Variants in EXPH5 observed in about 807,000 individuals in gnomAD.
EXPH5 encodes exophilin 5, also known as exophilin-5.
A neutral mutation model predicts 41.1 loss-of-function variants in EXPH5; 42 were observed. The observed-to-expected ratio is 1.02, with a 90% confidence interval of 0.80 to 1.32. The LOEUF (loss-of-function observed/expected upper bound fraction) is 1.32, where lower values mean the gene tolerates loss of function less well. EXPH5 is among the 40% of genes most tolerant of loss of function. The pLI is 0.00. For missense variants in EXPH5, 2,298 were observed against 2,314.5 expected (o/e 0.99, Z 0.15); for synonymous variants, 798 against 833.5 (o/e 0.96, Z 0.73).
chr11:108,564,903 CTT>C (rs34384478), intron 1 of EXPH5, among the ~76,000 whole-genome samples: 3 of 118,394 alleles, frequency 2.5e-5, no homozygotes, highest in Non-Finnish European at 3.3e-5. Context: ...ATATGTGTAG[CTT>C]TTTTTTTTTT....
At chr11:108,598,883 G>C in the EXPH5 span, among the ~76,000 whole-genome samples, 32 of 152,200 alleles carry the variant, frequency 2.1e-4, no homozygotes, top group Admixed American at 6.5e-5. Flanking sequence ...CTTGGAGTCA[G>C]TATCTTTGGT....
In EXPH5 at chr11:108,510,274, A is replaced by G. The variant is rs1410057635; in HGVS notation, c.5233T>C (p.Phe1745Leu). The change falls in exon 6 of 6, where the codon TTC becomes CTC. Residue 1745 changes from phenylalanine to leucine, a missense_variant. Physicochemically the swap from Phe to Leu is conservative, Grantham distance 22. Coordinates refer to ENST00000265843, the MANE Select transcript of EXPH5 (RefSeq NM_015065.3). ...ITFTSLREAE[F>L]SDNQRRLSPP... The stretch of plus-strand genomic sequence containing the variant: ...CTCAGCCTCCTCTGATTGTCAGAGA[A>G]TTCTGCTTCCCTGAGGCTGGTGAAT... The G allele has an allele frequency of 1.2e-6, 2 of 1,614,026 alleles. No homozygotes were observed. Among genetic ancestry groups the G allele is most frequent in the Non-Finnish European group, 1.7e-6 (2 of 1,180,012 alleles).
At position 108,510,410 on chromosome 11, in the gene EXPH5, A is replaced by T. The variant is rs758871486; in HGVS notation, c.5097T>A (p.His1699Gln). 5 of 1,613,960 alleles carry T rather than the reference A, an allele frequency of 3.1e-6. No homozygotes were observed. Among genetic ancestry groups the T allele is most frequent in the Non-Finnish European group, 4.2e-6 (5 of 1,179,986 alleles). Residue 1699 changes from histidine to glutamine, a missense_variant, in exon 6 of 6, where the codon CAT becomes CAA. Coordinates refer to ENST00000265843, the MANE Select transcript of EXPH5 (RefSeq NM_015065.3). ...CTGAGACGTTTTTAAACTCATTCTG[A>T]TGTCGTTGTGAAATGCTGTTAGACT... ...NQKSNSISQR[H>Q]QNEFKNVSES... is the part of the protein sequence containing the mutation.
Position 108,511,126 on chromosome 11 carries a change from T to C in EXPH5, c.4381A>G (p.Lys1461Glu), listed in dbSNP as rs755312889. 4.3e-6 allele frequency: 7 copies of C among 1,613,864 alleles called. No homozygotes were observed. Among genetic ancestry groups the C allele is most frequent in the Non-Finnish European group, 4.2e-6 (5 of 1,179,882 alleles). ...GRAIPFTGSGKCPQKDHTSTA... is the reference protein window; with the variant it reads ...GRAIPFTGSGECPQKDHTSTA... The stretch of plus-strand genomic sequence containing the variant: ...GATGTGTGATCTTTCTGGGGACACT[T>C]GCCACTTCCAGTAAATGGAATGGCT... The change falls in exon 6 of 6, where the codon AAG becomes GAG. Residue 1461 changes from lysine (K) to glutamate (E), a missense_variant. Coordinates refer to ENST00000265843, the MANE Select transcript of EXPH5 (RefSeq NM_015065.3).
the EXPH5 span, among the ~76,000 whole-genome samples, chr11:108,601,808 G>A: frequency 2.0e-5 from 3 of 151,324 alleles, no homozygotes; most frequent in Admixed American, 6.6e-5. Context: ...TAGTGCAGTG[G>A]TGCAATTTCA....
intron 4 of EXPH5, among the ~76,000 whole-genome samples, chr11:108,524,066 A>G (rs959883304): frequency 7.3e-6 from 1 of 137,196 alleles, no homozygotes; most frequent in African/African-American, 2.8e-5. Context: ...GGGATTACTA[A>G]TATATATTAT....
chr11:108,565,969 A>G (rs914600449), intron 1 of EXPH5, among the ~76,000 whole-genome samples: 1 of 152,216 alleles, frequency 6.6e-6, no homozygotes, highest in African/African-American at 2.4e-5. Context: ...ACGCCTTTTC[A>G]AGTGAGGAAA....
intron 3 of EXPH5, chr11:108,537,920 A>C (rs750898039): frequency 9.7e-5 from 89 of 920,390 alleles, no homozygotes; most frequent in Non-Finnish European, 1.2e-4. Context: ...AAATGTGAGA[A>C]TCACTAGTGT....
In EXPH5 at chr11:108,507,720, G is replaced by A. The variant is rs1341669531; in HGVS notation, c.*1817C>T. The A allele has an allele frequency of 1.3e-5, 2 of 152,096 alleles. No individual in the cohort carries two copies. Among genetic ancestry groups the A allele is most frequent in the Non-Finnish European group, 2.9e-5 (2 of 68,032 alleles). 9.4% of individuals were successfully genotyped at this position (152,096 alleles called of 1,614,324 possible). On this transcript the variant is annotated 3_prime_UTR_variant, in exon 6 of 6. Coordinates refer to ENST00000265843, the MANE Select transcript of EXPH5 (RefSeq NM_015065.3). ...AGCTCTGCCTTAGAATTTCCCAAGG[G>A]TTTCGTAGATGATCCTGCAGCAAAG...
chr11:108,575,572 A>T (rs918534707), intron 1 of EXPH5, among the ~76,000 whole-genome samples: 3 of 152,362 alleles, frequency 2.0e-5, no homozygotes, highest in African/African-American at 7.2e-5. Context: ...AATAGTATAC[A>T]ACCACAAAAG....
At chr11:108,598,867 C>T in the EXPH5 span, among the ~76,000 whole-genome samples, 3 of 152,152 alleles carry the variant, frequency 2.0e-5, no homozygotes, top group Non-Finnish European at 4.4e-5. Context: ...ATCCTAAGGA[C>T]GTGGGCTTGG....
intron 1 of EXPH5, among the ~76,000 whole-genome samples, chr11:108,555,161 C>T (rs1300609703): frequency 6.6e-6 from 1 of 152,252 alleles, no homozygotes; most frequent in East Asian, 1.9e-4. Flanking sequence ...CGCCTGTCAT[C>T]ACCCGGCTAG....
At chr11:108,597,406 C>A (rs1027388266), upstream of EXPH5, among the ~76,000 whole-genome samples, 1 of 152,072 alleles carries the variant, frequency 6.6e-6, no homozygotes, top group Admixed American at 6.6e-5. Context: ...CTATGTTGGA[C>A]GGCTGATCTT....
chr11:108,510,393 T>C lies in EXPH5; in HGVS notation c.5114A>G (p.Asn1705Ser), dbSNP rs2093670346. ...ATGCTTTGATGGTGATTCTGAGACG[T>C]TTTTAAACTCATTCTGATGTCGTTG... Reference protein sequence around the residue: ...ISQRHQNEFKNVSESPSKHEN... With the variant: ...ISQRHQNEFKSVSESPSKHEN... The change falls in exon 6 of 6, where the codon AAC becomes AGC. Residue 1705 changes from asparagine to serine, a missense_variant. By Grantham distance (46) the Asn-to-Ser change is conservative (BLOSUM62 1). Coordinates refer to ENST00000265843, the MANE Select transcript of EXPH5 (RefSeq NM_015065.3). 6.2e-7 allele frequency: 1 copy of C among 1,613,980 alleles called. No individual in the cohort carries two copies. The highest frequency in any genetic ancestry group is 8.5e-7 in the Non-Finnish European group (1 of 1,180,020).
chr11:108,606,883 A>T, the EXPH5 span, among the ~76,000 whole-genome samples: 3 of 152,204 alleles, frequency 2.0e-5, no homozygotes, highest in African/African-American at 7.2e-5. Flanking sequence ...AGATTTTTTT[A>T]AAATTTGTAA....
At chr11:108,569,579 T>C (rs1219377287) in intron 1 of EXPH5, among the ~76,000 whole-genome samples, 1 of 152,150 alleles carries the variant, frequency 6.6e-6, no homozygotes, top group Admixed American at 6.5e-5. Context: ...CACCTCGTGA[T>C]CCGCCCTCTT....
At chr11:108,606,006 T>A in the EXPH5 span, among the ~76,000 whole-genome samples, 4 of 152,212 alleles carry the variant, frequency 2.6e-5, no homozygotes, top group African/African-American at 9.6e-5. Flanking sequence ...AATCAGGAAT[T>A]TGTGAGATCT....
At chr11:108,554,197 G>T (rs1258308105) in intron 1 of EXPH5, among the ~76,000 whole-genome samples, 3 of 152,066 alleles carry the variant, frequency 2.0e-5, no homozygotes, top group African/African-American at 7.2e-5. Flanking sequence ...CTGAGTAGCT[G>T]GGATTACAGG....
intron 1 of EXPH5, among the ~76,000 whole-genome samples, chr11:108,551,020 T>C (rs924982884): frequency 1.3e-5 from 2 of 152,116 alleles, no homozygotes; most frequent in African/African-American, 4.8e-5. Flanking sequence ...GGTGAAATCA[T>C]ACCAATAAAA....
Sources: gnomAD v4.1 joint callset for allele counts (sites outside exome capture counted in the v4.1 genomes callset) on GRCh38, gnomAD v4.1.1 for gene constraint, MANE v1.5 for transcripts, NCBI Gene and HGNC (gene_info 2026-07-23, HGNC 2026-07-21) for gene names.